VPS8: variants seen among roughly 807,000 people sequenced by gnomAD.
The protein encoded by VPS8 is vacuolar protein sorting-associated protein 8 homolog.
Under a neutral mutation model 216.4 loss-of-function variants are expected in VPS8, and 129 were observed. The ratio of observed to expected loss-of-function variants is 0.60; its 90% confidence interval spans 0.52 to 0.69. The LOEUF (loss-of-function observed/expected upper bound fraction) is 0.69. Among genes scored for constraint, VPS8 ranks in the 30% least tolerant of loss-of-function variants. VPS8 has a pLI of 0.00. For missense variants in VPS8, 1,531 were observed against 1,683.5 expected, an observed-to-expected ratio of 0.91 and a Z score of 1.59; for synonymous variants, 571 against 565.4, an observed-to-expected ratio of 1.01 and a Z score of -0.14.
intron 37 of VPS8, among the ~76,000 whole-genome samples, chr3:184,962,705 T>A (rs186105865): frequency 6.8e-6 from 1 of 147,998 alleles, no homozygotes; most frequent in Non-Finnish European, 1.5e-5. Context: ...TGTTTTAGTT[T>A]ACCATTCTTT....
At chr3:184,916,167 G>A (rs561896249) in intron 28 of VPS8, among the ~76,000 whole-genome samples, 5 of 152,278 alleles carry the variant, frequency 3.3e-5, no homozygotes, top group Admixed American at 2.0e-4. Context: ...AATGGAACGC[G>A]GAAGCTTTTT....
chr3:184,812,529 G>A (rs1715355240), intron 1 of VPS8: 1 of 152,232 alleles, frequency 6.6e-6, no homozygotes, highest in Non-Finnish European at 1.5e-5. Context: ...AAGTAAAAAG[G>A]GATTTATTGG....
intron 36 of VPS8, among the ~76,000 whole-genome samples, chr3:184,949,978 C>A (rs759274803): frequency 6.6e-6 from 1 of 151,638 alleles, no homozygotes; most frequent in African/African-American, 2.4e-5. Flanking sequence ...GGCGTGATTT[C>A]GGCTCACTGC....
At chr3:184,981,023 G>T (rs1397846213) in intron 40 of VPS8, among the ~76,000 whole-genome samples, 1 of 152,162 alleles carries the variant, frequency 6.6e-6, no homozygotes, top group Non-Finnish European at 1.5e-5. Context: ...GTTTGACTGT[G>T]GTATAATGTG....
rs1291898925 is a variant in VPS8 at position 184,853,848 on chromosome 3, C to G, written c.822-9C>G. The G allele has an allele frequency of 6.4e-7, 1 of 1,559,438 alleles. No homozygotes were observed. The highest frequency in any genetic ancestry group is 1.2e-5 in the South Asian group (1 of 84,714). ...AAATTGATTCTGAATTTTCAAATTG[C>G]ATTTTCAGGAGAGTGATGGGAGTGA... On this transcript the variant is annotated splice_polypyrimidine_tract_variant and intron_variant, in intron 11 of 47. Transcript: ENST00000625842.
chr3:184,869,592 A>G lies in VPS8; in HGVS notation c.1644+64A>G. 3 of 1,524,054 alleles carry G rather than the reference A, an allele frequency of 2.0e-6. No homozygotes were observed. The African/African-American group carries it at 4.1e-5, about 21-fold the overall frequency. 94.4% of individuals were successfully genotyped at this position (1,524,054 alleles called of 1,614,324 possible). ...AGATTTGCTTTTGTCATTTGCCAGT[A>G]TCTTTGGGCATGAGTAGATAAATGG... On this transcript the variant is annotated intron_variant, in intron 20 of 47. Coordinates refer to ENST00000625842, the MANE Select transcript of VPS8 (RefSeq NM_001009921.3).
At chr3:184,858,423 C>G (rs1367413654) in intron 14 of VPS8, among the ~76,000 whole-genome samples, 1 of 152,162 alleles carries the variant, frequency 6.6e-6, no homozygotes, top group Non-Finnish European at 1.5e-5. Flanking sequence ...GCCATATAGT[C>G]CATCCTAAAG....
At chr3:184,916,151 A>C (rs1487860891) in intron 28 of VPS8, among the ~76,000 whole-genome samples, 1 of 152,240 alleles carries the variant, frequency 6.6e-6, no homozygotes, top group Non-Finnish European at 1.5e-5. Flanking sequence ...AAATAGCTGG[A>C]GTCGAAATGG....
chr3:184,940,917 C>G (rs1281467084), intron 36 of VPS8, among the ~76,000 whole-genome samples: 1 of 152,164 alleles, frequency 6.6e-6, no homozygotes, highest in Non-Finnish European at 1.5e-5. Flanking sequence ...CTACTCTTGA[C>G]TAGTAGTGTG....
intron 1 of VPS8, among the ~76,000 whole-genome samples, chr3:184,819,835 GTTGT>G (rs1429458695): frequency 6.6e-6 from 1 of 151,844 alleles, no homozygotes; most frequent in Non-Finnish European, 1.5e-5. Flanking sequence ...AACATTAACA[GTTGT>G]TTAACACATA....
chr3:184,986,632 C>T lies in VPS8; in HGVS notation c.3585+3538C>T, dbSNP rs564471917. Among the ~76,000 whole-genome samples the T allele has an allele frequency of 7.4e-4, 113 of 152,292 alleles. 2 individuals carry two copies. In the South Asian group the frequency reaches 0.022, roughly 30 times the overall value. ...CTGAATGATCTCAGAGGAATAAACCCTAAACAGATTGGATGCTTCAGGTTT... is the reference window on the plus strand; with the variant it reads ...CTGAATGATCTCAGAGGAATAAACCTTAAACAGATTGGATGCTTCAGGTTT... On this transcript the variant is annotated intron_variant, in intron 42 of 47. Transcript: ENST00000625842.
intron 45 of VPS8, among the ~76,000 whole-genome samples, chr3:185,012,324 TG>T (rs1262522259): frequency 6.8e-6 from 1 of 147,816 alleles, no homozygotes; most frequent in Non-Finnish European, 1.5e-5. Context: ...AATTTATATA[TG>T]GATATAATGT....
rs527667989 is a variant in VPS8, at chr3:185,004,514, G to T, written c.4002+4653G>T. 2.2e-4 allele frequency among the ~76,000 whole-genome samples: 20 copies of T among 88,936 alleles called. No homozygotes were observed. In the South Asian group the frequency reaches 3.4e-3, roughly 15 times the overall value. The allele number at this position is 88,936 out of a possible 152,430, so 58.3% of individuals were successfully genotyped here. A position where few individuals can be genotyped will look rare whatever the true frequency, so the allele number is the denominator to read the frequency against. On this transcript the variant is annotated intron_variant, in intron 45 of 47. Coordinates refer to ENST00000625842, the MANE Select transcript of VPS8 (RefSeq NM_001009921.3). ...ACCGTGGGGAGAGGGAGACCGCGGG[G>T]AGAGGGAGAGGGAGAGCTCTTTTTT...
chr3:184,824,581 C>T lies in VPS8; in HGVS notation c.-52C>T. ...CAGGTCTTCGTGAGCTAAGGCCAAA[C>T]AAACAAAAAACACTTGCTTTGATGG... is the stretch of plus-strand genomic sequence containing the variant. On this transcript the variant is annotated 5_prime_UTR_variant, in exon 2 of 48. Coordinates refer to ENST00000625842, the MANE Select transcript of VPS8 (RefSeq NM_001009921.3). The T allele has an allele frequency of 6.4e-7, 1 of 1,564,230 alleles. No individual in the cohort carries two copies. Among genetic ancestry groups the T allele is most frequent in the Non-Finnish European group, 8.7e-7 (1 of 1,152,818 alleles).
At chr3:184,942,612 T>C (rs573445980) in intron 36 of VPS8, among the ~76,000 whole-genome samples, 1 of 152,320 alleles carries the variant, frequency 6.6e-6, no homozygotes, top group African/African-American at 2.4e-5. Context: ...CATGTTTGTA[T>C]TGATCTGCCT....
intron 16 of VPS8, among the ~76,000 whole-genome samples, chr3:184,863,694 A>G (rs1726810363): frequency 6.6e-6 from 1 of 152,238 alleles, no homozygotes; most frequent in African/African-American, 2.4e-5. Flanking sequence ...CAGATAGTTT[A>G]TAGTTCAGTC....
At chr3:184,924,727 A>T in intron 29 of VPS8, 135 bp from the exon 30 acceptor site, 1 of 1,157,912 alleles carries the variant, frequency 8.6e-7, no homozygotes, top group Non-Finnish European at 1.2e-6. Context: ...CGTTGAATTC[A>T]ATTGTTGCAC....
intron 15 of VPS8, among the ~76,000 whole-genome samples, chr3:184,860,460 CACACACAT>C (rs1392166896): frequency 5.4e-5 from 4 of 74,664 alleles, no homozygotes; most frequent in East Asian, 5.4e-4. Context: ...TGTATGTATA[CACACACAT>C]ACACACACAC....
At chr3:184,923,385 G>T (rs1450154392) in intron 29 of VPS8, among the ~76,000 whole-genome samples, 1 of 152,056 alleles carries the variant, frequency 6.6e-6, no homozygotes, top group Admixed American at 6.6e-5. Flanking sequence ...AGGAATACTT[G>T]TCCTGTCCCC....
Sources: gnomAD v4.1 joint callset for allele counts (sites outside exome capture counted in the v4.1 genomes callset) on GRCh38, gnomAD v4.1.1 for gene constraint, MANE v1.5 for transcripts, NCBI Gene and HGNC (gene_info 2026-07-23, HGNC 2026-07-21) for gene names.